RNF111: variants seen among roughly 807,000 people sequenced by gnomAD.
The protein encoded by RNF111 is ring finger protein 111.
RNF111 carries 17 observed loss-of-function variants against 95.1 expected under a neutral mutation model. The observed-to-expected ratio is 0.18, with a 90% CI of 0.12 to 0.27. The LOEUF is 0.27. Among genes scored for constraint, RNF111 ranks in the 10% least tolerant of loss-of-function variants. RNF111 has a pLI of 1.00. For missense variants in RNF111, 1,189 were observed against 1,210.4 expected, an observed-to-expected ratio of 0.98 and a Z score of 0.26; for synonymous variants, 440 against 414.8, an observed-to-expected ratio of 1.06 and a Z score of -0.74.
intron 1 of RNF111, among the ~76,000 whole-genome samples, chr15:59,006,294 G>GC (rs1802089555): frequency 6.6e-6 from 1 of 152,128 alleles, no homozygotes; most frequent in Non-Finnish European, 1.5e-5. Context: ...CATGCAGTTA[G>GC]CACCCCAATC....
At chr15:59,024,296 T>C (rs796782333) in intron 1 of RNF111, among the ~76,000 whole-genome samples, 77 of 152,306 alleles carry the variant, frequency 5.1e-4, no homozygotes, top group African/African-American at 1.8e-3. Context: ...CTTTTACTCA[T>C]TCTTTTACAG....
intron 2 of RNF111, among the ~76,000 whole-genome samples, chr15:59,033,914 C>G (rs1374473164): frequency 6.6e-6 from 1 of 151,830 alleles, no homozygotes; most frequent in Non-Finnish European, 1.5e-5. Flanking sequence ...GGTTTCTGGA[C>G]AAGTGATTTG....
intron 5 of RNF111, among the ~76,000 whole-genome samples, chr15:59,062,031 A>C (rs1596243258): frequency 7.1e-6 from 1 of 141,200 alleles, no homozygotes; most frequent in African/African-American, 2.6e-5. Context: ...TTTTTTGACC[A>C]CTATATTTGT....
chr15:59,072,008 A>G (rs187928530), intron 6 of RNF111, among the ~76,000 whole-genome samples: 4 of 152,372 alleles, frequency 2.6e-5, no homozygotes, highest in South Asian at 2.1e-4. Flanking sequence ...ATTTAAAAAT[A>G]CTTCAGTTTA....
chr15:58,995,406 G>T (rs1362825318), intron 1 of RNF111, among the ~76,000 whole-genome samples: 1 of 151,344 alleles, frequency 6.6e-6, no homozygotes. Context: ...AATTGTCCCA[G>T]ATTTGTCCAT....
At chr15:59,078,461 A>C (rs941247861) in intron 7 of RNF111, among the ~76,000 whole-genome samples, 5 of 150,168 alleles carry the variant, frequency 3.3e-5, no homozygotes, top group African/African-American at 1.2e-4. Flanking sequence ...GGATTGCTTG[A>C]GCTCAGGAGT....
chr15:59,033,141 G>C (rs1162461451), intron 2 of RNF111, among the ~76,000 whole-genome samples: 2 of 152,200 alleles, frequency 1.3e-5, no homozygotes, highest in Non-Finnish European at 2.9e-5. Flanking sequence ...TAAAGGGCTA[G>C]CTAGGTCATG....
chr15:59,045,922 C>T (rs879461782), intron 2 of RNF111, among the ~76,000 whole-genome samples: 18 of 152,102 alleles, frequency 1.2e-4, no homozygotes, highest in African/African-American at 3.4e-4. Context: ...TGTTGTTTTT[C>T]TGCCTGTAAG....
At chr15:59,084,714 C>T (rs1423540334) in intron 9 of RNF111, among the ~76,000 whole-genome samples, 3 of 152,080 alleles carry the variant, frequency 2.0e-5, no homozygotes, top group Non-Finnish European at 4.4e-5. Context: ...TCAGAACTTA[C>T]TCCTCCCAGC....
At position 58,989,507 on chromosome 15, in the gene RNF111, G is replaced by A. The variant is rs367799070; in HGVS notation, c.-20+1439G>A. On this transcript the variant is annotated intron_variant, in intron 1 of 13. Coordinates refer to ENST00000348370, the MANE Select transcript of RNF111 (RefSeq NM_017610.8). ...AAGAATGAGTCTCCTTGTTTATCAC[G>A]GGTGCTATATCATGTGCAGATCCTT... Among the ~76,000 whole-genome samples the A allele has an allele frequency of 2.0e-4, 31 of 152,240 alleles. No homozygotes were observed. In the East Asian group the frequency reaches 4.6e-3, roughly 23 times the overall value.
intron 7 of RNF111, among the ~76,000 whole-genome samples, chr15:59,076,721 C>T (rs2078575375): frequency 2.0e-5 from 3 of 152,070 alleles, no homozygotes; most frequent in Admixed American, 2.0e-4. Context: ...ACCAGCCATG[C>T]CTTTTCTAAA....
In RNF111 at chr15:59,013,259, T is replaced by A. The variant is rs149458914; in HGVS notation, c.-19-17545T>A. Among the ~76,000 whole-genome samples, 4 of 152,334 alleles carry A rather than the reference T, an allele frequency of 2.6e-5. No homozygotes were observed. In the East Asian group the frequency reaches 7.7e-4, roughly 29 times the overall value. On this transcript the variant is annotated intron_variant, in intron 1 of 13. Transcript: ENST00000348370. ...AGTACACAGAGTTCCCATATATCGC[T>A]CACTCAGTTACCCTTGTTGTTAACA...
At chr15:58,997,612 A>G (rs753721452) in intron 1 of RNF111, among the ~76,000 whole-genome samples, 10 of 151,536 alleles carry the variant, frequency 6.6e-5, no homozygotes, top group Non-Finnish European at 1.5e-4. Flanking sequence ...AGGTCAAGAG[A>G]TCGAGACCAT....
intron 2 of RNF111, among the ~76,000 whole-genome samples, chr15:59,035,345 T>A (rs1180856440): frequency 1.3e-5 from 2 of 152,092 alleles, no homozygotes; most frequent in Non-Finnish European, 2.9e-5. Flanking sequence ...TCCCCCAAAG[T>A]CTTAACTCAT....
chr15:59,070,219 T>G (rs372928339), intron 6 of RNF111, among the ~76,000 whole-genome samples: 2 of 152,012 alleles, frequency 1.3e-5, no homozygotes, highest in African/African-American at 4.8e-5. Context: ...GTAAGCCAAT[T>G]ATTATGTCCC....
intron 1 of RNF111, among the ~76,000 whole-genome samples, chr15:59,010,265 C>T (rs1229233076): frequency 1.3e-5 from 2 of 152,028 alleles, no homozygotes; most frequent in Non-Finnish European, 2.9e-5. Flanking sequence ...AAACCCATGA[C>T]ATGTAAATAT....
At chr15:59,008,948 GTATTT>G (rs199771747) in intron 1 of RNF111, among the ~76,000 whole-genome samples, 8 of 151,898 alleles carry the variant, frequency 5.3e-5, no homozygotes, top group African/African-American at 7.2e-5. Flanking sequence ...ATATTGTCAC[GTATTT>G]TATTTTATTT....
chr15:58,990,476 C>T (rs185735815), intron 1 of RNF111, among the ~76,000 whole-genome samples: 9 of 152,238 alleles, frequency 5.9e-5, no homozygotes, highest in East Asian at 1.9e-4. Context: ...TGGTGAAACC[C>T]CATCTCTACT....
intron 6 of RNF111, among the ~76,000 whole-genome samples, chr15:59,071,053 T>C (rs966140351): frequency 1.3e-5 from 2 of 151,850 alleles, no homozygotes; most frequent in African/African-American, 4.8e-5. Flanking sequence ...ATCCCAGCAC[T>C]TTGGGAGGCT....
Sources: gnomAD v4.1 joint callset for allele counts (sites outside exome capture counted in the v4.1 genomes callset) on GRCh38, gnomAD v4.1.1 for gene constraint, MANE v1.5 for transcripts, NCBI Gene and HGNC (gene_info 2026-07-23, HGNC 2026-07-21) for gene names.